CCDC30: variants seen among roughly 807,000 people sequenced by gnomAD.
CCDC30 encodes the protein coiled-coil domain containing 30, also known as coiled-coil domain-containing protein 30.
CCDC30 carries 70 observed loss-of-function variants against 100.2 expected under a neutral mutation model. The ratio of observed to expected loss-of-function variants is 0.70; its 90% CI spans 0.58 to 0.85. The LOEUF is 0.85. CCDC30 is among the 40% of genes least tolerant of loss of function. The pLI is 0.00. For missense variants in CCDC30, 652 were observed against 771.2 expected, an observed-to-expected ratio of 0.85 and a Z score of 1.83; for synonymous variants, 233 against 269.5, an observed-to-expected ratio of 0.86 and a Z score of 1.33.
At chr1:42,626,034 A>G (rs1646927408) in intron 11 of CCDC30, among the ~76,000 whole-genome samples, 1 of 152,088 alleles carries the variant, frequency 6.6e-6, no homozygotes, top group Non-Finnish European at 1.5e-5. Flanking sequence ...TGGGTGCTCC[A>G]GTGTTGGGCA....
intron 6 of CCDC30, among the ~76,000 whole-genome samples, chr1:42,539,570 A>G (rs1234161851): frequency 6.6e-6 from 1 of 152,180 alleles, no homozygotes; most frequent in Non-Finnish European, 1.5e-5. Context: ...GCTTCCCACC[A>G]ACTTAATTTT....
chr1:42,515,775 C>T (rs1644547067), intron 6 of CCDC30, among the ~76,000 whole-genome samples: 1 of 152,164 alleles, frequency 6.6e-6, no homozygotes, highest in African/African-American at 2.4e-5. Flanking sequence ...TTTGACTACT[C>T]TAGATATTTC....
chr1:42,573,077 G>T (rs576648556), intron 7 of CCDC30, among the ~76,000 whole-genome samples: 1 of 152,168 alleles, frequency 6.6e-6, no homozygotes, highest in Admixed American at 6.5e-5. Context: ...GGATATCTGG[G>T]CTATTCCTGG....
intron 12 of CCDC30, among the ~76,000 whole-genome samples, chr1:42,641,866 AAAAC>A (rs984916378): frequency 4.6e-5 from 7 of 152,194 alleles, no homozygotes; most frequent in Middle Eastern, 3.4e-3. Flanking sequence ...AAAACAAAAC[AAAAC>A]AAACAAACAA....
intron 1 of CCDC30, among the ~76,000 whole-genome samples, chr1:42,471,799 T>C (rs1470954433): frequency 6.6e-6 from 1 of 152,186 alleles, no homozygotes; most frequent in Admixed American, 6.5e-5. Context: ...ATTAAAACCA[T>C]TTATCATCTA....
chr1:42,498,916 G>C (rs1302206248), exon 6 of CCDC30: 4 of 1,230,032 alleles, frequency 3.3e-6, no homozygotes, highest in Non-Finnish European at 4.1e-6. Flanking sequence ...AGAGAGAACA[G>C]GTATTGTATT....
intron 6 of CCDC30, among the ~76,000 whole-genome samples, chr1:42,505,849 G>A (rs1423844115): frequency 6.6e-6 from 1 of 152,140 alleles, no homozygotes; most frequent in Non-Finnish European, 1.5e-5. Flanking sequence ...AACAATATGA[G>A]GCTAGTCTTC....
In CCDC30 at chr1:42,637,397, G is replaced by T. The variant is rs375667947; in HGVS notation, c.1419+19G>T. The T allele has an allele frequency of 2.2e-5, 35 of 1,601,684 alleles. No individual in the cohort carries two copies. The highest frequency in any genetic ancestry group is 4.5e-5 in the East Asian group (2 of 44,508). On this transcript the variant is annotated intron_variant, in intron 12 of 16. Transcript: ENST00000668663. ...AGAAAAGGTGAGGAAAAAATAAAAG[G>T]TGAAGAGCTCACTGGTGATTCCCAT...
intron 1 of CCDC30, among the ~76,000 whole-genome samples, chr1:42,466,601 G>C (rs998606357): frequency 2.6e-5 from 4 of 151,738 alleles, no homozygotes; most frequent in African/African-American, 7.3e-5. Flanking sequence ...GCCCAGGCTG[G>C]AGTGCAGTGT....
At chr1:42,512,906 G>T (rs1644501208) in intron 6 of CCDC30, among the ~76,000 whole-genome samples, 1 of 152,182 alleles carries the variant, frequency 6.6e-6, no homozygotes, top group African/African-American at 2.4e-5. Context: ...TGTAAGGCTG[G>T]CAGCCACGCT....
intron 1 of CCDC30, among the ~76,000 whole-genome samples, chr1:42,476,465 C>T (rs988512579): frequency 3.3e-5 from 5 of 151,964 alleles, no homozygotes; most frequent in South Asian, 2.1e-4. Flanking sequence ...CTGAGGTGGG[C>T]GGATCACCTG....
intron 7 of CCDC30, among the ~76,000 whole-genome samples, chr1:42,575,672 A>G (rs1048265109): frequency 5.3e-5 from 8 of 151,024 alleles, no homozygotes; most frequent in Non-Finnish European, 1.2e-4. Context: ...GCAAACAAAC[A>G]AAAAAACATA....
intron 6 of CCDC30, among the ~76,000 whole-genome samples, chr1:42,515,830 A>G (rs1009150698): frequency 5.9e-5 from 9 of 152,150 alleles, no homozygotes; most frequent in Admixed American, 3.3e-4. Context: ...TGATTGGCTT[A>G]TTTAATTTAG....
the CCDC30 span, chr1:42,456,855 C>T: frequency 6.2e-7 from 1 of 1,613,522 alleles, no homozygotes; most frequent in African/African-American, 1.3e-5. Flanking sequence ...CACCGCTTCC[C>T]ACCCCAGACT....
chr1:42,485,010 A>C (rs946636110), intron 3 of CCDC30, among the ~76,000 whole-genome samples: 6 of 152,182 alleles, frequency 3.9e-5, no homozygotes, highest in African/African-American at 1.4e-4. Context: ...CTTGCTAGAC[A>C]TATGAGTTAA....
At chr1:42,458,537 C>G (rs1161664433), upstream of CCDC30, among the ~76,000 whole-genome samples, 2 of 152,306 alleles carry the variant, frequency 1.3e-5, no homozygotes, top group East Asian at 3.9e-4. Flanking sequence ...GTTGCTTCCT[C>G]TGCAGAGGAG....
intron 6 of CCDC30, among the ~76,000 whole-genome samples, chr1:42,556,758 C>G (rs1645378888): frequency 6.6e-6 from 1 of 152,128 alleles, no homozygotes; most frequent in Admixed American, 6.5e-5. Flanking sequence ...TCAGTTGATG[C>G]ACTTTATTAT....
At chr1:42,471,719 A>G (rs967603715) in intron 1 of CCDC30, among the ~76,000 whole-genome samples, 2 of 152,152 alleles carry the variant, frequency 1.3e-5, no homozygotes, top group African/African-American at 4.8e-5. Flanking sequence ...GTTATATGTC[A>G]TGAAGAGGAC....
intron 1 of CCDC30, among the ~76,000 whole-genome samples, chr1:42,466,836 G>A (rs1643604806): frequency 6.6e-6 from 1 of 152,338 alleles, no homozygotes; most frequent in African/African-American, 2.4e-5. Context: ...ACAGGCATGA[G>A]CCTCTGCGCC....
Sources: gnomAD v4.1 joint callset for allele counts (sites outside exome capture counted in the v4.1 genomes callset) on GRCh38, gnomAD v4.1.1 for gene constraint, MANE v1.5 for transcripts, NCBI Gene and HGNC (gene_info 2026-07-23, HGNC 2026-07-21) for gene names.